MEI4: variants seen among roughly 807,000 people sequenced by gnomAD.
MEI4 encodes meiosis-specific protein MEI4.
A neutral mutation model predicts 31.4 loss-of-function variants in MEI4; 27 were observed. That is an observed-to-expected ratio of 0.86 (90% CI 0.63 to 1.19). The LOEUF is 1.19. Ranked by LOEUF, MEI4 falls within the 50% of genes most tolerant of loss-of-function variation. The pLI is 0.00. For synonymous variants in MEI4, 122 were observed against 145.4 expected, an observed-to-expected ratio of 0.84 and a Z score of 1.16; for missense variants, 329 against 398.9, an observed-to-expected ratio of 0.82 and a Z score of 1.49.
intron 4 of MEI4, among the ~76,000 whole-genome samples, chr6:77,843,178 T>C (rs2127715533): frequency 6.6e-6 from 1 of 151,848 alleles, no homozygotes; most frequent in East Asian, 1.9e-4. Flanking sequence ...TTCTCTAAAT[T>C]ATGCTATGCC....
At chr6:77,840,440 GA>G (rs1450765164) in intron 4 of MEI4, among the ~76,000 whole-genome samples, 229 of 152,190 alleles carry the variant, frequency 1.5e-3, no homozygotes, top group South Asian at 8.5e-3. Context: ...AAGTATATTT[GA>G]AAATAATGGT....
chr6:77,823,026 G>A (rs1430547780), intron 3 of MEI4, among the ~76,000 whole-genome samples: 3 of 152,058 alleles, frequency 2.0e-5, no homozygotes, highest in African/African-American at 7.2e-5. Flanking sequence ...TTCAATATTT[G>A]CTGTAATGAA....
At chr6:77,800,317 A>G (rs981519736) in intron 3 of MEI4, among the ~76,000 whole-genome samples, 1 of 152,062 alleles carries the variant, frequency 6.6e-6, no homozygotes, top group Non-Finnish European at 1.5e-5. Context: ...GGTGTATAAG[A>G]ATGCTTGTGA....
intron 2 of MEI4, among the ~76,000 whole-genome samples, chr6:77,727,603 A>G (rs1766860781): frequency 6.6e-6 from 1 of 152,226 alleles, no homozygotes; most frequent in South Asian, 2.1e-4. Flanking sequence ...TTTCATAGAA[A>G]GCAATTTCTT....
In MEI4 at chr6:77,790,839, AAAAC is replaced by A. The variant is rs558772864; in HGVS notation, c.768+29181_768+29184del. Among the ~76,000 whole-genome samples the A allele has an allele frequency of 1.8e-3, 268 of 152,296 alleles. 1 individual carries two copies. The highest frequency in any genetic ancestry group is 7.2e-3 in the East Asian group (37 of 5,174). On this transcript the variant is annotated intron_variant, in intron 3 of 4. Transcript: ENST00000684080. Reference sequence around the variant, plus strand: ...TGAACTCAAACAAATTTACAAGAAAAAAACAAACAACCCCATCAAAAAGTGGGCG... The same window carrying A: ...TGAACTCAAACAAATTTACAAGAAAAAAACAACCCCATCAAAAAGTGGGCG...
At chr6:77,672,085 G>T (rs1376580333) in intron 1 of MEI4, among the ~76,000 whole-genome samples, 1 of 152,192 alleles carries the variant, frequency 6.6e-6, no homozygotes, top group Non-Finnish European at 1.5e-5. Flanking sequence ...TCAGCAGAAC[G>T]TCTGATTGTA....
intron 3 of MEI4, among the ~76,000 whole-genome samples, chr6:77,819,877 T>C (rs1176877925): frequency 6.6e-6 from 1 of 152,190 alleles, no homozygotes; most frequent in African/African-American, 2.4e-5. Flanking sequence ...TGGAGCAGCT[T>C]TGAGGAATTG....
At chr6:77,862,446 G>A (rs1212906497) in intron 4 of MEI4, among the ~76,000 whole-genome samples, 1 of 152,260 alleles carries the variant, frequency 6.6e-6, no homozygotes, top group East Asian at 1.9e-4. Flanking sequence ...ATGGCTCAGA[G>A]GGTCCTATGC....
chr6:77,709,123 C>T (rs1045696580), intron 2 of MEI4, among the ~76,000 whole-genome samples: 1 of 152,058 alleles, frequency 6.6e-6, no homozygotes, highest in African/African-American at 2.4e-5. Flanking sequence ...TCTCAATTTT[C>T]TCATATTAGG....
chr6:77,852,077 G>A (rs899400200), intron 4 of MEI4, among the ~76,000 whole-genome samples: 2 of 152,014 alleles, frequency 1.3e-5, no homozygotes, highest in East Asian at 3.9e-4. Context: ...AAACTATTTT[G>A]TTTCCTTTCT....
intron 2 of MEI4, among the ~76,000 whole-genome samples, chr6:77,743,879 C>G (rs1207253908): frequency 1.3e-5 from 2 of 152,102 alleles, no homozygotes; most frequent in Non-Finnish European, 2.9e-5. Context: ...GGACCTCTAG[C>G]AAACTCCAAC....
chr6:77,867,022 G>T (rs1302648060), intron 4 of MEI4, among the ~76,000 whole-genome samples: 2 of 152,180 alleles, frequency 1.3e-5, no homozygotes, highest in Non-Finnish European at 2.9e-5. Context: ...CTAGCCATAT[G>T]TAGAAAGCTG....
chr6:77,768,468 G>A (rs957056141), intron 3 of MEI4, among the ~76,000 whole-genome samples: 2 of 152,136 alleles, frequency 1.3e-5, no homozygotes, highest in African/African-American at 4.8e-5. Flanking sequence ...GGGAGGCTGA[G>A]GTGGGTAGAT....
chr6:77,896,993 C>T (rs1360459442), intron 4 of MEI4, among the ~76,000 whole-genome samples: 1 of 151,990 alleles, frequency 6.6e-6, no homozygotes, highest in Non-Finnish European at 1.5e-5. Flanking sequence ...CGTGTATACT[C>T]CTATGCTGTG....
At chr6:77,712,512 C>T (rs1582049802) in intron 2 of MEI4, among the ~76,000 whole-genome samples, 1 of 152,062 alleles carries the variant, frequency 6.6e-6, no homozygotes, top group Non-Finnish European at 1.5e-5. Flanking sequence ...TGTTAGCAAC[C>T]ATTCTGACAA....
intron 1 of MEI4, among the ~76,000 whole-genome samples, chr6:77,685,584 T>G (rs1161712216): frequency 1.3e-5 from 2 of 152,158 alleles, no homozygotes; most frequent in Non-Finnish European, 2.9e-5. Flanking sequence ...TTACTTTTGT[T>G]GCCTGTCCTT....
intron 4 of MEI4, among the ~76,000 whole-genome samples, chr6:77,840,264 A>G (rs1332986580): frequency 6.6e-6 from 1 of 152,222 alleles, no homozygotes; most frequent in African/African-American, 2.4e-5. Context: ...ATAACAAAGA[A>G]GTCAGTGTAC....
intron 2 of MEI4, among the ~76,000 whole-genome samples, chr6:77,758,069 T>C (rs1377436159): frequency 6.7e-6 from 1 of 149,054 alleles, no homozygotes; most frequent in East Asian, 2.0e-4. Context: ...GGCAGGAGAA[T>C]CACTTGAACC....
Position 77,872,098 on chromosome 6 carries a change from A to T in MEI4, c.900+43036A>T, listed in dbSNP as rs377088271. On this transcript the variant is annotated intron_variant, in intron 4 of 4. Coordinates refer to ENST00000684080, the MANE Select transcript of MEI4 (RefSeq NM_001322247.2). ...GAAACAGGAAAAACATGGTACCAAT[A>T]TTTCTTCAGCTCCCTTAAATCGTGT... Among the ~76,000 whole-genome samples the T allele has an allele frequency of 3.2e-4, 48 of 152,292 alleles. 1 individual carries two copies. The East Asian group carries it at 8.1e-3, about 26-fold the overall frequency.
Sources: gnomAD v4.1 joint callset for allele counts (sites outside exome capture counted in the v4.1 genomes callset) on GRCh38, gnomAD v4.1.1 for gene constraint, MANE v1.5 for transcripts, NCBI Gene and HGNC (gene_info 2026-07-23, HGNC 2026-07-21) for gene names.